The following GRIA4 variants were observed in gnomAD, a reference collection of about 807,000 sequenced individuals.
GRIA4 encodes glutamate receptor 4.
Under a neutral mutation model 104.0 loss-of-function variants are expected in GRIA4, and 34 were observed. That is an observed-to-expected ratio of 0.33 (90% confidence interval 0.25 to 0.44). GRIA4 has a LOEUF of 0.44. Among genes scored for constraint, GRIA4 ranks in the 20% least tolerant of loss-of-function variants. The pLI, the probability that GRIA4 is intolerant of heterozygous loss-of-function variation, is 1.00. For synonymous variants in GRIA4, 386 were observed against 381.9 expected (o/e 1.01, Z -0.13); for missense variants, 750 against 1,096.5 (o/e 0.68, Z 4.46).
At chr11:105,652,384 A>G (rs1202806993) in intron 3 of GRIA4, among the ~76,000 whole-genome samples, 1 of 152,180 alleles carries the variant, frequency 6.6e-6, no homozygotes, top group Non-Finnish European at 1.5e-5. Flanking sequence ...GACTCGAGGT[A>G]GGCTGGGCTG....
intron 3 of GRIA4, among the ~76,000 whole-genome samples, chr11:105,726,313 A>G (rs80090596): frequency 0.027 from 4,083 of 152,246 alleles, 100 homozygotes; most frequent in African/African-American, 0.065. Context: ...CAGCACCTCA[A>G]AGCCACAGTA....
intron 13 of GRIA4, among the ~76,000 whole-genome samples, chr11:105,929,647 A>G (rs1233939289): frequency 1.3e-5 from 2 of 152,132 alleles, no homozygotes; most frequent in African/African-American, 4.8e-5. Context: ...GTGCATTACT[A>G]TCTCAGGGTT....
intron 11 of GRIA4, among the ~76,000 whole-genome samples, chr11:105,923,181 T>C (rs1444987275): frequency 4.6e-5 from 7 of 152,174 alleles, no homozygotes. Context: ...TGTCTGAGCA[T>C]GTTTCTGACT....
At chr11:105,850,269 T>C (rs1944756177) in intron 4 of GRIA4, among the ~76,000 whole-genome samples, 1 of 152,250 alleles carries the variant, frequency 6.6e-6, no homozygotes, top group Admixed American at 6.5e-5. Context: ...ATTATAATTC[T>C]CAGGCAAATT....
chr11:105,796,578 C>T (rs945792855), intron 4 of GRIA4, among the ~76,000 whole-genome samples: 20 of 152,096 alleles, frequency 1.3e-4, no homozygotes, highest in African/African-American at 4.8e-4. Context: ...TCTGGTTTCT[C>T]CATCTTCCTG....
intron 3 of GRIA4, among the ~76,000 whole-genome samples, chr11:105,626,956 CCA>C (rs1483259879): frequency 6.6e-6 from 1 of 152,160 alleles, no homozygotes; most frequent in African/African-American, 2.4e-5. Context: ...ATATTCCACA[CCA>C]GTCCTGGCTA....
intron 4 of GRIA4, among the ~76,000 whole-genome samples, chr11:105,761,625 A>G (rs983505690): frequency 6.6e-6 from 1 of 152,180 alleles, no homozygotes; most frequent in Non-Finnish European, 1.5e-5. Flanking sequence ...CAACATATAA[A>G]TAAATGAAAA....
rs138954497 is a variant in GRIA4, at chr11:105,910,492, G to C, written c.1216G>C (p.Gly406Arg). ...CTTGATTCAAGATGTACCAACTCTT[G>C]GCAATGACACAGCTGCTATTGAGAA... ...LVLIQDVPTL[G>R]NDTAAIENRT... Residue 406 changes from glycine to arginine, a missense_variant, in exon 10 of 17, where the codon GGC becomes CGC. Around this residue, in one of 3 missense-constraint regions of GRIA4, gnomAD observed 410 missense variants for 502.7 expected, o/e 0.82. Transcript: ENST00000282499. 1.0e-5 allele frequency: 16 copies of C among 1,602,880 alleles called. No individual in the cohort carries two copies. The highest frequency in any genetic ancestry group is 1.4e-5 in the Non-Finnish European group (16 of 1,170,058).
chr11:105,725,203 C>A (rs1938119050), intron 3 of GRIA4, among the ~76,000 whole-genome samples: 1 of 152,146 alleles, frequency 6.6e-6, no homozygotes, highest in Admixed American at 6.5e-5. Flanking sequence ...TTAGCTATTT[C>A]TCATCATCTG....
At chr11:105,744,035 A>T (rs1042953812) in intron 3 of GRIA4, among the ~76,000 whole-genome samples, 8 of 151,660 alleles carry the variant, frequency 5.3e-5, no homozygotes, top group South Asian at 2.1e-4. Context: ...CTTCAGCCTA[A>T]CTTCCACAGA....
chr11:105,882,495 C>T (rs1946103368), intron 5 of GRIA4, among the ~76,000 whole-genome samples: 1 of 152,140 alleles, frequency 6.6e-6, no homozygotes, highest in African/African-American at 2.4e-5. Flanking sequence ...ATTTGCAAGT[C>T]TCAAATTGAC....
At chr11:105,632,751 C>G (rs560858841) in intron 3 of GRIA4, among the ~76,000 whole-genome samples, 1 of 152,098 alleles carries the variant, frequency 6.6e-6, no homozygotes, top group Non-Finnish European at 1.5e-5. Flanking sequence ...CTGGGCAACA[C>G]AGCGGGACCC....
intron 14 of GRIA4, among the ~76,000 whole-genome samples, chr11:105,963,346 A>G (rs1948787868): frequency 6.6e-6 from 1 of 152,146 alleles, no homozygotes; most frequent in Non-Finnish European, 1.5e-5. Flanking sequence ...AAGTTTAAAT[A>G]GCATTCTAAG....
chr11:105,708,533 T>G (rs139340996), intron 3 of GRIA4, among the ~76,000 whole-genome samples: 145 of 152,224 alleles, frequency 9.5e-4, no homozygotes, highest in African/African-American at 3.3e-3. Context: ...TAGGTTCATA[T>G]GTTATTAGAG....
rs57222107 is a variant in GRIA4, at chr11:105,981,591, A to ACACACACACACACACACACACACAC, written c.*1852_*1853insCACACACACACACACACACACACAC. The ACACACACACACACACACACACACAC allele has an allele frequency of 6.6e-6, 1 of 151,654 alleles. No individual in the cohort carries two copies. Among genetic ancestry groups the ACACACACACACACACACACACACAC allele is most frequent in the South Asian group, 2.1e-4 (1 of 4,826 alleles). 9.4% of individuals were successfully genotyped at this position (151,654 alleles called of 1,614,324 possible). On this transcript the variant is annotated 3_prime_UTR_variant, in exon 17 of 17. Coordinates refer to ENST00000282499, the MANE Select transcript of GRIA4 (RefSeq NM_000829.4). Reference sequence around the variant, plus strand: ...CACACACACACACACACACACACACAAGTCCCTCAGGAAAAATTCCAAGCT... The same window carrying ACACACACACACACACACACACACAC: ...CACACACACACACACACACACACACACACACACACACACACACACACACACAGTCCCTCAGGAAAAATTCCAAGCT...
intron 3 of GRIA4, among the ~76,000 whole-genome samples, chr11:105,730,825 G>A (rs529481761): frequency 7.9e-4 from 120 of 152,226 alleles, no homozygotes; most frequent in Non-Finnish European, 1.1e-3. Context: ...GGCTAGCCAT[G>A]TGCAGAAAAC....
chr11:105,924,269 C>T lies in GRIA4; in HGVS notation c.1477-130C>T, dbSNP rs567609478. Reference sequence around the variant, plus strand: ...GTTTGTGTCTATCACTAGGCTTATACATTGTTGGCACTCCAAAAATAAATG... The same window carrying T: ...GTTTGTGTCTATCACTAGGCTTATATATTGTTGGCACTCCAAAAATAAATG... On this transcript the variant is annotated intron_variant, in intron 11 of 16. Coordinates refer to ENST00000282499, the MANE Select transcript of GRIA4 (RefSeq NM_000829.4). 1.9e-4 allele frequency: 117 copies of T among 608,892 alleles called. No individual in the cohort carries two copies. The African/African-American group carries it at 2.0e-3, about 10-fold the overall frequency. 37.7% of individuals were successfully genotyped at this position (608,892 alleles called of 1,614,324 possible).
chr11:105,900,622 C>T lies in GRIA4; in HGVS notation c.885+2195C>T, dbSNP rs182726056. Among the ~76,000 whole-genome samples the T allele has an allele frequency of 2.1e-3, 322 of 152,052 alleles. 3 individuals carry two copies. Among genetic ancestry groups the T allele is most frequent in the African/African-American group, 7.3e-3 (302 of 41,466 alleles). On this transcript the variant is annotated intron_variant, in intron 7 of 16. Transcript: ENST00000282499. ...ATTTTTTTGAGACAGAGTCTCTCTC[C>T]GTCACCCAGGCTGGAGTGCAGTGTC...
chr11:105,862,225 A>C lies in GRIA4; in HGVS notation c.672+17A>C, dbSNP rs772270004. The C allele has an allele frequency of 6.8e-7, 1 of 1,464,536 alleles. No individual in the cohort carries two copies. Among genetic ancestry groups the C allele is most frequent in the East Asian group, 2.3e-5 (1 of 43,928 alleles). 90.7% of individuals were successfully genotyped at this position (1,464,536 alleles called of 1,614,324 possible). On this transcript the variant is annotated intron_variant, in intron 5 of 16. Transcript: ENST00000282499. ...TTAGAACAGGTAAGTCCTAGATTTT[A>C]TATTTTTAACCTAGACCCTATACAG...
Sources: gnomAD v4.1 joint callset for allele counts (sites outside exome capture counted in the v4.1 genomes callset) on GRCh38, gnomAD v4.1.1 for gene constraint, gnomAD v4.1.1 regional missense constraint, MANE v1.5 for transcripts, NCBI Gene and HGNC (gene_info 2026-07-23, HGNC 2026-07-21) for gene names.